The following BLM variants were observed in gnomAD, a reference collection of about 807,000 sequenced individuals.
The protein encoded by BLM is recQ-like DNA helicase BLM.
In BLM, 95 loss-of-function variants were observed where a neutral mutation model predicts 135.3. The ratio of observed to expected loss-of-function variants is 0.70; its 90% CI spans 0.59 to 0.83. The LOEUF (loss-of-function observed/expected upper bound fraction) is 0.83. Among genes scored for constraint, BLM ranks in the 40% least tolerant of loss-of-function variants. BLM has a pLI of 0.00. For synonymous variants in BLM, 520 were observed against 589.2 expected (o/e 0.88, Z 1.70); for missense variants, 1,518 against 1,663.9 (o/e 0.91, Z 1.53).
At chr15:90,763,588 G>GT (rs1896044229) in intron 8 of BLM, among the ~76,000 whole-genome samples, 1 of 152,188 alleles carries the variant, frequency 6.6e-6, no homozygotes, top group Admixed American at 6.5e-5. Context: ...TGGACTTAAA[G>GT]AACAGCTCTG....
chr15:90,787,760 G>A (rs571106623), intron 14 of BLM, among the ~76,000 whole-genome samples: 2 of 152,148 alleles, frequency 1.3e-5, no homozygotes, highest in Admixed American at 6.6e-5. Context: ...GACCAGCCTG[G>A]CCAATATGGT....
At chr15:90,802,807 G>A (rs1487728034) in intron 17 of BLM, among the ~76,000 whole-genome samples, 1 of 152,068 alleles carries the variant, frequency 6.6e-6, no homozygotes, top group Non-Finnish European at 1.5e-5. Context: ...ATAAAATAAT[G>A]TAAAGAGTGT....
At chr15:90,804,479 T>C in intron 19 of BLM, 120 bp downstream of exon 19, 1 of 1,176,076 alleles carries the variant, frequency 8.5e-7, no homozygotes, top group South Asian at 1.2e-5. Context: ...TGGGGTTTGT[T>C]TTGAGACGGG....
rs1185309701 is a variant in BLM, at chr15:90,764,197, T to C, written c.2074+1040T>C. ...TTTCAAGACGGCATTTTTAAGGTCC[T>C]TCCACCCCAATTTCAACCACTTGTG... On this transcript the variant is annotated intron_variant, in intron 8 of 21. Transcript: ENST00000355112. Among the ~76,000 whole-genome samples, 7 of 150,136 alleles carry C rather than the reference T, an allele frequency of 4.7e-5. No individual in the cohort carries two copies. The East Asian group carries it at 1.2e-3, about 25-fold the overall frequency.
chr15:90,798,898 G>A (rs1243866297), intron 17 of BLM, among the ~76,000 whole-genome samples: 5 of 152,024 alleles, frequency 3.3e-5, no homozygotes, highest in South Asian at 2.1e-4. Context: ...CAGGAGAATC[G>A]CTAGAACCCG....
chr15:90,754,883 A>T lies in BLM; in HGVS notation c.1032A>T (p.Lys344Asn), dbSNP rs148701303. 1.5e-5 allele frequency: 25 copies of T among 1,613,876 alleles called. No individual in the cohort carries two copies. The highest frequency in any genetic ancestry group is 2.1e-5 in the Non-Finnish European group (25 of 1,179,970). The stretch of plus-strand genomic sequence containing the variant: ...GCACATCAAAAGATCTTTTGTCAAA[A>T]CCTGAGAAAATGAGTATGCAGGAGC... ...VLSTSKDLLSKPEKMSMQELN... is the reference protein window; with the variant it reads ...VLSTSKDLLSNPEKMSMQELN... The change falls in exon 5 of 22, where the codon AAA (lysine) becomes AAT (asparagine). Residue 344 changes from lysine (K) to asparagine (N), a missense_variant. Physicochemically the swap from Lys to Asn is moderately conservative, Grantham distance 94. Around this residue, in one of 5 missense-constraint regions of BLM, gnomAD observed 724 missense variants for 756.9 expected, o/e 0.96. Transcript: ENST00000355112.
At position 90,794,183 on chromosome 15, in the gene BLM, C is replaced by G. The variant is rs553767830; in HGVS notation, c.3036C>G (p.Asn1012Lys). The G allele has an allele frequency of 6.2e-7, 1 of 1,603,148 alleles. No homozygotes were observed. The highest frequency in any genetic ancestry group is 1.3e-5 in the African/African-American group (1 of 74,770). Residue 1012 changes from asparagine to lysine, a missense_variant, in exon 16 of 22, where the codon AAC becomes AAG. By Grantham distance (94) the Asn-to-Lys change is moderately conservative (BLOSUM62 0). This residue lies in a region of BLM where 626 missense variants were observed against 681.1 expected (regional missense o/e 0.92). Transcript: ENST00000355112. ...KRLIMMEKDG[N>K]HHTRETHFNN... The stretch of plus-strand genomic sequence containing the variant: ...CTCTTTTAGTGGAAAAAGATGGAAA[C>G]CATCATACAAGAGAAACTCACTTCA...
chr15:90,746,928 C>T (rs1170581219), intron 1 of BLM, among the ~76,000 whole-genome samples: 1 of 152,090 alleles, frequency 6.6e-6, no homozygotes, highest in Non-Finnish European at 1.5e-5. Flanking sequence ...GGTGGTGTTC[C>T]TCCTTTCCCC....
intron 15 of BLM, among the ~76,000 whole-genome samples, chr15:90,791,670 A>C (rs112461139): frequency 0.015 from 2,263 of 151,086 alleles, 55 homozygotes; most frequent in African/African-American, 0.05. Context: ...ACCGAGTCTC[A>C]CTCTGTCACC....
chr15:90,803,655 G>T lies in BLM; in HGVS notation c.3493G>T (p.Asp1165Tyr). 2 of 1,614,128 alleles carry T rather than the reference G, an allele frequency of 1.2e-6. No homozygotes were observed. The highest frequency in any genetic ancestry group is 2.2e-5 in the South Asian group (2 of 91,052). Residue 1165 changes from aspartate to tyrosine, a missense_variant, in exon 18 of 22, where the codon GAC (aspartate) becomes TAC (tyrosine). Around this residue, in one of 5 missense-constraint regions of BLM, gnomAD observed 626 missense variants for 681.1 expected, o/e 0.92. Coordinates refer to ENST00000355112, the MANE Select transcript of BLM (RefSeq NM_000057.4). The part of the protein sequence containing the change: ...LDEDLYINAN[D>Y]QAIAYVMLGN... ...TGAAGACTTATATATCAATGCCAAT[G>T]ACCAGGCGATCGCTTATGTGATGCT...
At chr15:90,780,911 A>G (rs1896602171) in intron 12 of BLM, among the ~76,000 whole-genome samples, 1 of 152,252 alleles carries the variant, frequency 6.6e-6, no homozygotes, top group Admixed American at 6.5e-5. Flanking sequence ...TACATATACT[A>G]CACCATTTTA....
At chr15:90,812,134 T>C (rs535311800) in intron 21 of BLM, among the ~76,000 whole-genome samples, 1 of 152,340 alleles carries the variant, frequency 6.6e-6, no homozygotes, top group East Asian at 1.9e-4. Context: ...TTTACTATTC[T>C]GTCAGTACTT....
Position 90,815,588 on chromosome 15 carries a change from G to T in BLM, c.*309G>T. 2.6e-6 allele frequency: 1 copy of T among 386,802 alleles called. No individual in the cohort carries two copies. 24.0% of individuals were successfully genotyped at this position (386,802 alleles called of 1,614,324 possible). ...ACCCAGAAGCCAAAGGAAGAGCCAC[G>T]CGTGGGCCCTTGTGAAACTAAAGCT... On this transcript the variant is annotated 3_prime_UTR_variant, in exon 22 of 22. Transcript: ENST00000355112. The surrounding 1 kb of genome is among the most constrained non-coding windows in gnomAD (Gnocchi z 4.6).
At chr15:90,757,256 C>T (rs891300267) in intron 5 of BLM, among the ~76,000 whole-genome samples, 2 of 152,098 alleles carry the variant, frequency 1.3e-5, no homozygotes, top group Admixed American at 6.5e-5. Flanking sequence ...TTTGTCTGTC[C>T]TCACTTTCCA....
At chr15:90,793,947 G>GAAAAA in intron 15 of BLM, 1 of 289,712 alleles carries the variant, frequency 3.5e-6, no homozygotes, top group Non-Finnish European at 6.3e-6. Context: ...ATGAAGATTT[G>GAAAAA]AAAAAAAAAA....
Position 90,804,227 on chromosome 15 carries a change from A to C in BLM, c.3619A>C (p.Lys1207Gln). 6.2e-7 allele frequency: 1 copy of C among 1,614,218 alleles called. No individual in the cohort carries two copies. The highest frequency in any genetic ancestry group is 8.5e-7 in the Non-Finnish European group (1 of 1,180,020). ...SVKKQKALVA[K>Q]VSQREEMVKK... ...GAAAAAACAAAAAGCGTTAGTAGCA[A>C]AAGTGTCTCAGAGGGAAGAGATGGT... is the stretch of plus-strand genomic sequence containing the variant. Residue 1207 changes from lysine (K) to glutamine (Q), a missense_variant, in exon 19 of 22, where the codon AAA (lysine) becomes CAA (glutamine). By Grantham distance (53) the Lys-to-Gln change is moderately conservative (BLOSUM62 1). Transcript: ENST00000355112.
rs146996679 is a variant in BLM, at chr15:90,774,982, C to T, written c.2555+5396C>T. Among the ~76,000 whole-genome samples, 774 of 152,214 alleles carry T rather than the reference C, an allele frequency of 5.1e-3. 6 individuals are homozygous for T. Among genetic ancestry groups the T allele is most frequent in the African/African-American group, 0.018 (750 of 41,522 alleles). ...GGACTTTATTCTTTTGGCACTTTAA[C>T]CTGGGAAGTGGCTTGATCTGAACTG... On this transcript the variant is annotated intron_variant, in intron 12 of 21. Coordinates refer to ENST00000355112, the MANE Select transcript of BLM (RefSeq NM_000057.4).
At chr15:90,777,508 A>G (rs1213056536) in intron 12 of BLM, among the ~76,000 whole-genome samples, 4 of 152,220 alleles carry the variant, frequency 2.6e-5, no homozygotes, top group Non-Finnish European at 5.9e-5. Flanking sequence ...ACTATTGTCA[A>G]TTCCAAAAGC....
intron 21 of BLM, among the ~76,000 whole-genome samples, chr15:90,813,405 G>A (rs1021281210): frequency 2.0e-5 from 3 of 152,128 alleles, no homozygotes; most frequent in African/African-American, 7.2e-5. Context: ...TGTTGTTGTT[G>A]TTGTCGTTAT....
Sources: allele counts gnomAD v4.1 joint callset (sites outside exome capture counted in the v4.1 genomes callset), GRCh38; gene constraint gnomAD v4.1.1; regional missense constraint gnomAD v4.1.1; non-coding constraint Gnocchi (gnomAD v3.1); transcripts MANE v1.5; gene names NCBI Gene and HGNC (gene_info 2026-07-23, HGNC 2026-07-21).